The following DMD variants were observed in gnomAD, a reference collection of about 807,000 sequenced individuals.
The protein encoded by DMD is dystrophin.
Under a neutral mutation model 330.1 loss-of-function variants are expected in DMD, and 63 were observed. That is an observed-to-expected ratio of 0.19 (90% CI 0.16 to 0.24). The LOEUF (loss-of-function observed/expected upper bound fraction) is 0.24, where lower values mean the gene tolerates loss of function less well. Among genes scored for constraint, DMD ranks in the 10% least tolerant of loss-of-function variants. The pLI is 1.00. For synonymous variants in DMD, 1,223 were observed against 959.8 expected (o/e 1.27, Z -5.07); for missense variants, 3,344 against 2,684.1 (o/e 1.25, Z -5.43).
At position 32,713,958 on chromosome X, in the gene DMD, C is replaced by G. The variant is rs532088043; in HGVS notation, c.650-14665G>C. On this transcript the variant is annotated intron_variant, in intron 7 of 78. Coordinates refer to ENST00000357033, the MANE Select transcript of DMD (RefSeq NM_004006.3). ...TACATTAGCCTATACTTTGGCAAAA[C>G]CATCTAACACAAAGCCTGTTCTATA... 8.9e-5 allele frequency among the ~76,000 whole-genome samples: 10 copies of G among 111,978 alleles called. No individual in the cohort carries two copies. In the East Asian group the frequency reaches 2.2e-3, roughly 25 times the overall value.
chrX:32,944,123 G>T (rs1482668523), intron 2 of DMD, among the ~76,000 whole-genome samples: 1 of 111,673 alleles, frequency 9.0e-6, no homozygotes, highest in African/African-American at 3.3e-5. Flanking sequence ...TTGACTTTCT[G>T]TGTCTGGTTC....
chrX:32,552,291 A>T (rs1265252268), intron 16 of DMD, among the ~76,000 whole-genome samples: 2 of 111,751 alleles, frequency 1.8e-5, no homozygotes, highest in African/African-American at 6.5e-5. Context: ...AATGGAAAAG[A>T]ATAGAGAGTC....
At chrX:32,300,689 A>G (rs2097519662) in intron 42 of DMD, among the ~76,000 whole-genome samples, 1 of 111,392 alleles carries the variant, frequency 9.0e-6, no homozygotes, top group Non-Finnish European at 1.9e-5. Context: ...GTTTTATAGA[A>G]GTAAGTACTT....
At chrX:32,851,249 C>G (rs2081114525) in intron 2 of DMD, among the ~76,000 whole-genome samples, 1 of 107,409 alleles carries the variant, frequency 9.3e-6, no homozygotes, top group African/African-American at 3.7e-5. Context: ...CCTGTAAATG[C>G]CCGGGTACTT....
chrX:33,331,380 G>C (rs2054173749), intron 1 of DMD, among the ~76,000 whole-genome samples: 1 of 111,852 alleles, frequency 8.9e-6, no homozygotes, highest in South Asian at 3.7e-4. Context: ...GTTAGCATTA[G>C]TGTCACTTTC....
At chrX:31,518,904 T>G (rs2072497679) in intron 55 of DMD, among the ~76,000 whole-genome samples, 1 of 111,426 alleles carries the variant, frequency 9.0e-6, no homozygotes, top group African/African-American at 3.3e-5. Context: ...TCCAGTGTCT[T>G]CCCCATCCAT....
At chrX:32,583,094 A>T (rs1394510048) in intron 13 of DMD, among the ~76,000 whole-genome samples, 1 of 112,225 alleles carries the variant, frequency 8.9e-6, no homozygotes, top group Non-Finnish European at 1.9e-5. Flanking sequence ...TTCAGTAGAA[A>T]TGATTTCCAT....
At chrX:32,483,787 A>C (rs1295061564) in intron 21 of DMD, among the ~76,000 whole-genome samples, 3 of 103,649 alleles carry the variant, frequency 2.9e-5, no homozygotes, top group African/African-American at 7.0e-5. Flanking sequence ...TGTACAGGAA[A>C]ATAAACCCCT....
intron 45 of DMD, among the ~76,000 whole-genome samples, chrX:31,938,910 T>A (rs993581496): frequency 9.0e-6 from 1 of 111,655 alleles, no homozygotes; most frequent in Admixed American, 9.6e-5. Flanking sequence ...TGTGTTAAAT[T>A]TATTTTCTCC....
chrX:33,073,689 G>T (rs765216299), intron 1 of DMD, among the ~76,000 whole-genome samples: 2 of 110,073 alleles, frequency 1.8e-5, no homozygotes, highest in Non-Finnish European at 3.8e-5. Flanking sequence ...AAAATTAGCC[G>T]GGCTTGGTGG....
intron 64 of DMD, among the ~76,000 whole-genome samples, chrX:31,210,566 A>G (rs1184097914): frequency 1.8e-5 from 2 of 112,471 alleles, no homozygotes; most frequent in African/African-American, 6.5e-5. Context: ...TAGCCAAACT[A>G]GAAACACAAC....
At chrX:32,403,052 C>T (rs2098095696) in intron 30 of DMD, among the ~76,000 whole-genome samples, 1 of 111,411 alleles carries the variant, frequency 9.0e-6, no homozygotes, top group Non-Finnish European at 1.9e-5. Flanking sequence ...GGCCCACGGT[C>T]TTACAGCTGA....
intron 11 of DMD, among the ~76,000 whole-genome samples, chrX:32,639,246 G>A (rs2059293999): frequency 9.0e-6 from 1 of 111,671 alleles, no homozygotes; most frequent in Non-Finnish European, 1.9e-5. Flanking sequence ...AAATTAATTA[G>A]TTTATTCATA....
intron 30 of DMD, among the ~76,000 whole-genome samples, chrX:32,390,676 T>TTTTTATTTTA (rs58438960): frequency 9.0e-6 from 1 of 111,117 alleles, no homozygotes; most frequent in African/African-American, 3.3e-5. Flanking sequence ...AATTACCTTC[T>TTTTTATTTTA]TTTTATTTTA....
At chrX:32,169,853 ACTTAT>A (rs200738421) in intron 44 of DMD, among the ~76,000 whole-genome samples, 5,355 of 110,705 alleles carry the variant, frequency 0.048, 105 homozygotes, top group Non-Finnish European at 0.057. Flanking sequence ...TTTCATTTCG[ACTTAT>A]CTTTTTTCCC....
At chrX:31,801,681 C>A in intron 50 of DMD, among the ~76,000 whole-genome samples, 1 of 106,640 alleles carries the variant, frequency 9.4e-6, no homozygotes, top group South Asian at 4.2e-4. Flanking sequence ...CATATAAAAT[C>A]ATCATGTTGT....
chrX:33,112,795 G>T (rs1280081608), intron 1 of DMD, among the ~76,000 whole-genome samples: 1 of 108,440 alleles, frequency 9.2e-6, no homozygotes, highest in Non-Finnish European at 1.9e-5. Flanking sequence ...AACTGTTAAA[G>T]TAAGAATATC....
chrX:32,335,462 T>C (rs759175367), intron 41 of DMD, among the ~76,000 whole-genome samples: 15 of 103,996 alleles, frequency 1.4e-4, no homozygotes, highest in East Asian at 9.0e-4. Flanking sequence ...TATATACATG[T>C]ATATATAACA....
intron 44 of DMD, among the ~76,000 whole-genome samples, chrX:32,079,013 T>C (rs1184147243): frequency 3.6e-5 from 4 of 112,148 alleles, no homozygotes; most frequent in African/African-American, 1.3e-4. Context: ...TGTTTTGTCA[T>C]TTCTCTACAA....
Sources: gnomAD v4.1 joint callset for allele counts (sites outside exome capture counted in the v4.1 genomes callset) on GRCh38, gnomAD v4.1.1 for gene constraint, MANE v1.5 for transcripts, NCBI Gene and HGNC (gene_info 2026-07-23, HGNC 2026-07-21) for gene names.